The following DLG2 variants were observed in gnomAD, a reference collection of about 807,000 sequenced individuals.
DLG2 encodes the protein discs large MAGUK scaffold protein 2.
Under a neutral mutation model 132.5 loss-of-function variants are expected in DLG2, and 45 were observed. The ratio of observed to expected loss-of-function variants is 0.34; its 90% CI spans 0.27 to 0.44. DLG2 has a LOEUF of 0.44. Ranked by LOEUF, DLG2 falls within the 20% of genes least tolerant of loss-of-function variation. DLG2 has a pLI of 1.00. For synonymous variants in DLG2, 424 were observed against 419.6 expected (o/e 1.01, Z -0.13); for missense variants, 1,045 against 1,196.9 (o/e 0.87, Z 1.87).
chr11:85,304,904 T>A (rs192040912), intron 3 of DLG2, among the ~76,000 whole-genome samples: 1 of 152,380 alleles, frequency 6.6e-6, no homozygotes, highest in African/African-American at 2.4e-5. Flanking sequence ...TCCATATTTT[T>A]AAATGTATTT....
chr11:84,533,192 A>G (rs1200455193), intron 7 of DLG2, among the ~76,000 whole-genome samples: 1 of 152,208 alleles, frequency 6.6e-6, no homozygotes, highest in African/African-American at 2.4e-5. Context: ...TGTGGTGTTA[A>G]AATGTTCCCA....
chr11:84,566,387 T>C (rs2099455759), intron 6 of DLG2, among the ~76,000 whole-genome samples: 1 of 152,192 alleles, frequency 6.6e-6, no homozygotes, highest in African/African-American at 2.4e-5. Flanking sequence ...CAGAAACTCA[T>C]TCACAAGTAT....
At chr11:84,506,538 C>G (rs935818989) in intron 7 of DLG2, among the ~76,000 whole-genome samples, 3 of 152,148 alleles carry the variant, frequency 2.0e-5, no homozygotes, top group African/African-American at 7.2e-5. Flanking sequence ...GAAACTTCAT[C>G]TAAAAGCTGG....
At chr11:84,359,664 C>T (rs1335758643) in intron 7 of DLG2, among the ~76,000 whole-genome samples, 2 of 151,804 alleles carry the variant, frequency 1.3e-5, no homozygotes, top group Admixed American at 6.6e-5. Flanking sequence ...AAAAACAGTG[C>T]TTATTACACT....
Position 84,872,607 on chromosome 11 carries a change from G to T in DLG2, c.357+239054C>A, listed in dbSNP as rs182559675. 1.6e-3 allele frequency among the ~76,000 whole-genome samples: 237 copies of T among 152,260 alleles called. 1 individual carries two copies. The highest frequency in any genetic ancestry group is 2.1e-3 in the Non-Finnish European group (146 of 68,016). On this transcript the variant is annotated intron_variant, in intron 6 of 27. Coordinates refer to ENST00000376104, the MANE Select transcript of DLG2 (RefSeq NM_001142699.3). ...ATTTCACAAAAGAGATAACATTTAGGTTGTATCTTGAAAGTTGAGTTGGAT... is the reference window on the plus strand; with the variant it reads ...ATTTCACAAAAGAGATAACATTTAGTTTGTATCTTGAAAGTTGAGTTGGAT...
intron 4 of DLG2, among the ~76,000 whole-genome samples, chr11:85,159,331 C>G (rs901926940): frequency 6.6e-6 from 1 of 152,208 alleles, no homozygotes; most frequent in African/African-American, 2.4e-5. Flanking sequence ...GACATACTTG[C>G]AAGCTGGCAG....
At chr11:84,886,550 C>A (rs1943729) in intron 6 of DLG2, among the ~76,000 whole-genome samples, 64,599 of 151,918 alleles carry the variant, frequency 0.43, 14,178 homozygotes, top group Middle Eastern at 0.45. Context: ...GGACCACAGC[C>A]ACAACTCATG....
chr11:84,337,342 G>A (rs2098490718), intron 7 of DLG2, among the ~76,000 whole-genome samples: 1 of 152,112 alleles, frequency 6.6e-6, no homozygotes, highest in Admixed American at 6.6e-5. Context: ...AATAAGAGTT[G>A]GATGTCATTA....
At chr11:84,854,787 T>C (rs1029753460) in intron 6 of DLG2, among the ~76,000 whole-genome samples, 2 of 151,952 alleles carry the variant, frequency 1.3e-5, no homozygotes, top group African/African-American at 4.8e-5. Flanking sequence ...TACCCACCCA[T>C]GAATTGTGGA....
chr11:84,622,032 G>A (rs1216266939), intron 6 of DLG2, among the ~76,000 whole-genome samples: 1 of 152,050 alleles, frequency 6.6e-6, no homozygotes, highest in Non-Finnish European at 1.5e-5. Flanking sequence ...TAAGTAAAAA[G>A]TTGCGGACCG....
At chr11:84,930,348 T>C (rs1012039261) in intron 6 of DLG2, among the ~76,000 whole-genome samples, 3 of 152,084 alleles carry the variant, frequency 2.0e-5, no homozygotes, top group African/African-American at 7.2e-5. Flanking sequence ...AGCTGGAAAA[T>C]AGTTCCCTTG....
chr11:85,218,156 C>T (rs2082740286), intron 4 of DLG2, among the ~76,000 whole-genome samples: 1 of 152,058 alleles, frequency 6.6e-6, no homozygotes, highest in Non-Finnish European at 1.5e-5. Flanking sequence ...TGTTTTTGTA[C>T]CAGTACCAAG....
intron 3 of DLG2, among the ~76,000 whole-genome samples, chr11:85,319,923 C>T (rs2080939488): frequency 6.6e-6 from 1 of 151,782 alleles, no homozygotes; most frequent in South Asian, 2.1e-4. Context: ...TACAGCTTGG[C>T]TATTTTAGTT....
At chr11:84,184,517 G>A (rs1287196361) in intron 8 of DLG2, among the ~76,000 whole-genome samples, 1 of 151,302 alleles carries the variant, frequency 6.6e-6, no homozygotes, top group African/African-American at 2.4e-5. Flanking sequence ...CCATTCTGTA[G>A]GTTGCCTGTT....
At chr11:84,937,927 G>T (rs534315517) in intron 6 of DLG2, among the ~76,000 whole-genome samples, 1 of 152,076 alleles carries the variant, frequency 6.6e-6, no homozygotes, top group East Asian at 1.9e-4. Flanking sequence ...GAGGGGACTT[G>T]GAGAGCATCT....
intron 6 of DLG2, chr11:84,923,214 C>T: frequency 6.3e-7 from 1 of 1,590,788 alleles, no homozygotes; most frequent in Non-Finnish European, 8.6e-7. Flanking sequence ...TAAAGAGCAT[C>T]CGTTCCCTCT....
At chr11:84,502,216 T>TCTC (rs1567803539) in intron 7 of DLG2, among the ~76,000 whole-genome samples, 69 of 3,704 alleles carry the variant, frequency 0.019, 18 homozygotes, top group Non-Finnish European at 0.025. Context: ...CCTTCCTTCC[T>TCTC]TCCTTCCTTC....
intron 7 of DLG2, among the ~76,000 whole-genome samples, chr11:84,504,169 A>T (rs2099231412): frequency 6.6e-6 from 1 of 152,222 alleles, no homozygotes; most frequent in South Asian, 2.1e-4. Flanking sequence ...ACACCTAAGA[A>T]AACTAAAGCT....
At chr11:84,157,815 T>C (rs959726082) in intron 9 of DLG2, among the ~76,000 whole-genome samples, 15 of 152,244 alleles carry the variant, frequency 9.9e-5, no homozygotes, top group African/African-American at 3.6e-4. Context: ...GACAATTAAA[T>C]GTACAAAAGA....
Sources: allele counts gnomAD v4.1 joint callset (sites outside exome capture counted in the v4.1 genomes callset), GRCh38; gene constraint gnomAD v4.1.1; transcripts MANE v1.5; gene names NCBI Gene and HGNC (gene_info 2026-07-23, HGNC 2026-07-21).